NRF1: variants seen among roughly 807,000 people sequenced by gnomAD.
The protein encoded by NRF1 is alpha palindromic-binding protein.
NRF1 carries 5 observed loss-of-function variants against 58.5 expected under a neutral mutation model. The observed-to-expected ratio is 0.09, with a 90% CI of 0.04 to 0.18. NRF1 has a LOEUF of 0.18. Ranked by LOEUF, NRF1 falls within the 10% of genes least tolerant of loss-of-function variation. The pLI, the probability that NRF1 is intolerant of heterozygous loss-of-function variation, is 1.00. For missense variants in NRF1, 288 were observed against 657.7 expected (o/e 0.44, Z 6.15); for synonymous variants, 224 against 246.7 (o/e 0.91, Z 0.86).
intron 1 of NRF1, among the ~76,000 whole-genome samples, chr7:129,621,755 T>C (rs1800801051): frequency 3.3e-5 from 5 of 151,676 alleles, no homozygotes; most frequent in Admixed American, 3.3e-4. Context: ...TTTGGCTCTA[T>C]TATTTTAAAA....
chr7:129,615,691 A>G (rs926807558), intron 1 of NRF1, among the ~76,000 whole-genome samples: 2 of 152,188 alleles, frequency 1.3e-5, no homozygotes, highest in African/African-American at 4.8e-5. Context: ...ACCAAGTCCA[A>G]TGTTTTTTGA....
At chr7:129,738,733 A>C (rs987534772) in intron 10 of NRF1, among the ~76,000 whole-genome samples, 2 of 152,022 alleles carry the variant, frequency 1.3e-5, no homozygotes, top group African/African-American at 4.8e-5. Flanking sequence ...TTCTACCTTC[A>C]CCCAGTAAAC....
chr7:129,619,431 T>TACACACACACAC (rs1188708134), intron 1 of NRF1, among the ~76,000 whole-genome samples: 2 of 71,544 alleles, frequency 2.8e-5, no homozygotes, highest in African/African-American at 1.6e-4. Context: ...TATATATATA[T>TACACACACACAC]ATACACACAC....
rs1164077393 is a variant in NRF1, at chr7:129,756,124, G to A, written c.*943G>A. The A allele has an allele frequency of 6.5e-6, 1 of 152,846 alleles. No homozygotes were observed. Among genetic ancestry groups the A allele is most frequent in the Non-Finnish European group, 1.5e-5 (1 of 68,234 alleles). 9.5% of individuals were successfully genotyped at this position (152,846 alleles called of 1,614,324 possible). A position where few individuals can be genotyped will look rare whatever the true frequency, so the allele number is the denominator to read the frequency against. On this transcript the variant is annotated 3_prime_UTR_variant, in exon 11 of 11. Coordinates refer to ENST00000393232, the MANE Select transcript of NRF1 (RefSeq NM_005011.5). ...TGTGTGCGTGCATGGTGGGGGAGAG[G>A]ATGGGAAGGGGGCGGGGGCAGTGGA...
At chr7:129,725,365 T>C (rs971124244) in intron 9 of NRF1, among the ~76,000 whole-genome samples, 1 of 152,088 alleles carries the variant, frequency 6.6e-6, no homozygotes, top group Non-Finnish European at 1.5e-5. Flanking sequence ...TTCACTCTTA[T>C]TGCCCAGGCT....
chr7:129,653,808 A>T (rs1420141030), intron 1 of NRF1, among the ~76,000 whole-genome samples: 2 of 152,202 alleles, frequency 1.3e-5, no homozygotes, highest in Non-Finnish European at 2.9e-5. Context: ...ATAGCTTGAA[A>T]GCTCATTTCT....
At chr7:129,718,311 C>T (rs1469713181) in intron 9 of NRF1, among the ~76,000 whole-genome samples, 3 of 152,114 alleles carry the variant, frequency 2.0e-5, no homozygotes, top group South Asian at 2.1e-4. Context: ...TGTTTGGCAT[C>T]GAGCAGTTGA....
At chr7:129,646,774 A>G (rs1467335114) in intron 1 of NRF1, among the ~76,000 whole-genome samples, 6 of 152,222 alleles carry the variant, frequency 3.9e-5, no homozygotes, top group Non-Finnish European at 7.3e-5. Flanking sequence ...CATGGTTGGC[A>G]GGCTCAGCCC....
intron 5 of NRF1, among the ~76,000 whole-genome samples, chr7:129,695,673 GA>G (rs1166240808): frequency 6.7e-6 from 1 of 149,322 alleles, no homozygotes; most frequent in Non-Finnish European, 1.5e-5. Flanking sequence ...TCTTTTGGGA[GA>G]TTTTTTTTTT....
At chr7:129,748,442 C>T (rs1172799519) in intron 10 of NRF1, among the ~76,000 whole-genome samples, 1 of 152,156 alleles carries the variant, frequency 6.6e-6, no homozygotes, top group Non-Finnish European at 1.5e-5. Context: ...GCTGTCCCCT[C>T]AGAGGCAACC....
chr7:129,706,608 G>A (rs1584659252), intron 5 of NRF1, among the ~76,000 whole-genome samples: 1 of 152,274 alleles, frequency 6.6e-6, no homozygotes, highest in East Asian at 1.9e-4. Context: ...CAAGTAGATT[G>A]GAGAGAGGGT....
At chr7:129,622,908 A>G (rs991217446) in intron 1 of NRF1, among the ~76,000 whole-genome samples, 3 of 152,224 alleles carry the variant, frequency 2.0e-5, no homozygotes, top group Non-Finnish European at 4.4e-5. Flanking sequence ...GATATACACA[A>G]TACATATTCA....
chr7:129,654,640 A>C (rs1213996850), intron 1 of NRF1, among the ~76,000 whole-genome samples: 1 of 152,148 alleles, frequency 6.6e-6, no homozygotes, highest in African/African-American at 2.4e-5. Flanking sequence ...GTTTTTGTGA[A>C]GGTCTATGTC....
At chr7:129,626,090 G>A (rs1247436775) in intron 1 of NRF1, among the ~76,000 whole-genome samples, 1 of 152,182 alleles carries the variant, frequency 6.6e-6, no homozygotes, top group Admixed American at 6.5e-5. Context: ...ACAGTGCTGG[G>A]ATTACAGGCA....
At chr7:129,619,387 G>A (rs566737040) in intron 1 of NRF1, among the ~76,000 whole-genome samples, 62 of 90,960 alleles carry the variant, frequency 6.8e-4, no homozygotes, top group African/African-American at 2.3e-3. Context: ...AACTGGACTT[G>A]GCATACGTGT....
chr7:129,644,767 G>A (rs1256744260), intron 1 of NRF1, among the ~76,000 whole-genome samples: 1 of 152,100 alleles, frequency 6.6e-6, no homozygotes, highest in Non-Finnish European at 1.5e-5. Flanking sequence ...AAGATGTTCC[G>A]GCAAGCCAAA....
At chr7:129,711,423 G>A in intron 7 of NRF1, 52 bp from the exon 8 acceptor site, 1 of 1,333,456 alleles carries the variant, frequency 7.5e-7, no homozygotes, top group Non-Finnish European at 1.1e-6. Context: ...TGAGTAAAGA[G>A]GTGGAAGGAT....
intron 10 of NRF1, among the ~76,000 whole-genome samples, chr7:129,743,016 G>A (rs1803884603): frequency 6.6e-6 from 1 of 152,068 alleles, no homozygotes; most frequent in Admixed American, 6.6e-5. Flanking sequence ...AAGCCTGGGA[G>A]TTTCTATTGC....
At chr7:129,681,835 C>G (rs943375463) in intron 4 of NRF1, among the ~76,000 whole-genome samples, 12 of 214 alleles carry the variant, frequency 0.056, no homozygotes, top group Admixed American at 0.12. Context: ...GCCTGTAATC[C>G]CAGCACTTGG....
Sources: allele counts gnomAD v4.1 joint callset (sites outside exome capture counted in the v4.1 genomes callset), GRCh38; gene constraint gnomAD v4.1.1; transcripts MANE v1.5; gene names NCBI Gene and HGNC (gene_info 2026-07-23, HGNC 2026-07-21).